The following ADGRG6 variants were observed in gnomAD, a reference collection of about 807,000 sequenced individuals.
The protein encoded by ADGRG6 is adhesion G protein-coupled receptor G6.
Under a neutral mutation model 142.4 loss-of-function variants are expected in ADGRG6, and 84 were observed. That is an observed-to-expected ratio of 0.59 (90% CI 0.49 to 0.71). The LOEUF (loss-of-function observed/expected upper bound fraction) is 0.71. ADGRG6 is among the 30% of genes least tolerant of loss of function. ADGRG6 has a pLI of 0.00. For missense variants in ADGRG6, 1,367 were observed against 1,466.6 expected, an observed-to-expected ratio of 0.93 and a Z score of 1.11; for synonymous variants, 521 against 520.5, an observed-to-expected ratio of 1.00 and a Z score of -0.01.
chr6:142,339,761 T>A (rs1489569071), intron 2 of ADGRG6, among the ~76,000 whole-genome samples: 2 of 152,200 alleles, frequency 1.3e-5, no homozygotes, highest in African/African-American at 2.4e-5. Flanking sequence ...AATGACCTTC[T>A]TAGCCTTTTA....
rs189377436 is a variant in ADGRG6 at position 142,349,835 on chromosome 6, C to T, written c.104-17734C>T. 3.3e-5 allele frequency among the ~76,000 whole-genome samples: 5 copies of T among 152,260 alleles called. No individual in the cohort carries two copies. In the South Asian group the frequency reaches 8.3e-4, roughly 25 times the overall value. On this transcript the variant is annotated intron_variant, in intron 2 of 24. Transcript: ENST00000367609. ...ATGGCAAGTCTGTCTGGCTAAAAAG[C>T]TCATTTTTTTTCATAAAGCTGCTCT...
rs140341446 is a variant in ADGRG6 at position 142,385,801 on chromosome 6, T to C, written c.1222+1958T>C. Among the ~76,000 whole-genome samples the C allele has an allele frequency of 3.2e-3, 482 of 152,302 alleles. 5 individuals are homozygous for C. Among genetic ancestry groups the C allele is most frequent in the African/African-American group, 0.011 (458 of 41,574 alleles). On this transcript the variant is annotated intron_variant, in intron 6 of 24. Transcript: ENST00000367609. ...AAATAATTGAAAAGAGAATTACTTT[T>C]TCACCTTATGAATACATGCTATTTA... is the stretch of plus-strand genomic sequence containing the variant.
At chr6:142,383,337 A>G (rs1781861291) in intron 5 of ADGRG6, among the ~76,000 whole-genome samples, 1 of 152,184 alleles carries the variant, frequency 6.6e-6, no homozygotes, top group African/African-American at 2.4e-5. Flanking sequence ...TCAGTGTATT[A>G]GGCAAACTTA....
chr6:142,387,512 A>G (rs1782090447), intron 6 of ADGRG6, among the ~76,000 whole-genome samples: 1 of 152,228 alleles, frequency 6.6e-6, no homozygotes, highest in Non-Finnish European at 1.5e-5. Context: ...GCAGGATGCC[A>G]GTCATATTGT....
chr6:142,348,833 T>C (rs1780027802), intron 2 of ADGRG6, among the ~76,000 whole-genome samples: 2 of 152,212 alleles, frequency 1.3e-5, no homozygotes, highest in Admixed American at 1.3e-4. Flanking sequence ...AACATGGTGA[T>C]CTTTAAATTA....
chr6:142,388,088 C>T (rs376435088), intron 6 of ADGRG6, among the ~76,000 whole-genome samples: 2 of 152,132 alleles, frequency 1.3e-5, no homozygotes, highest in African/African-American at 4.8e-5. Flanking sequence ...TGCATTTCCT[C>T]CAATGGCAAT....
intron 5 of ADGRG6, among the ~76,000 whole-genome samples, chr6:142,383,286 G>A (rs1300668479): frequency 6.6e-6 from 1 of 152,048 alleles, no homozygotes; most frequent in Non-Finnish European, 1.5e-5. Flanking sequence ...TTCATCTTAA[G>A]AAGAAGTACA....
At chr6:142,357,648 C>T (rs1486280331) in intron 2 of ADGRG6, among the ~76,000 whole-genome samples, 2 of 152,144 alleles carry the variant, frequency 1.3e-5, no homozygotes, top group East Asian at 3.9e-4. Context: ...CTTGAGCTAA[C>T]AAGCACACTT....
At chr6:142,318,375 T>TTA (rs1778341930) in intron 2 of ADGRG6, among the ~76,000 whole-genome samples, 4 of 104,684 alleles carry the variant, frequency 3.8e-5, no homozygotes, top group East Asian at 4.6e-4. Context: ...TTATATATAT[T>TTA]TATATATTTA....
chr6:142,342,907 A>G (rs1026372302), intron 2 of ADGRG6, among the ~76,000 whole-genome samples: 1 of 151,760 alleles, frequency 6.6e-6, no homozygotes, highest in African/African-American at 2.4e-5. Flanking sequence ...TGAAATTTTG[A>G]CCTCTGATTT....
rs1178441565 is a variant in ADGRG6, at chr6:142,405,792, A to G, written c.2232A>G (p.Ala744=). The part of the protein sequence containing the change: ...SPEDSVLVRR[A]QFTFFNKTGL... Reference sequence around the variant, plus strand: ...AAGATTCTGTATTAGTTAGAAGAGCACAGTTTACTTTCTTCAACAAAACTG... The same window carrying G: ...AAGATTCTGTATTAGTTAGAAGAGCGCAGTTTACTTTCTTCAACAAAACTG... The change falls in exon 15 of 25, where the codon GCA becomes GCG. Residue 744 remains alanine, a synonymous_variant. Transcript: ENST00000367609. 6.2e-7 allele frequency: 1 copy of G among 1,606,920 alleles called. No homozygotes were observed. Among genetic ancestry groups the G allele is most frequent in the Admixed American group, 1.7e-5 (1 of 59,040 alleles).
intron 2 of ADGRG6, among the ~76,000 whole-genome samples, chr6:142,312,109 A>G (rs956753662): frequency 1.3e-5 from 2 of 151,990 alleles, no homozygotes; most frequent in Non-Finnish European, 2.9e-5. Context: ...ATTCTTAGTG[A>G]TAATCTGCAT....
At chr6:142,392,425 T>A (rs951709094) in intron 7 of ADGRG6, among the ~76,000 whole-genome samples, 14 of 151,936 alleles carry the variant, frequency 9.2e-5, no homozygotes, top group African/African-American at 3.1e-4. Flanking sequence ...TTTATTTTTT[T>A]AATTTATATT....
chr6:142,425,150 A>G (rs1193768091), intron 22 of ADGRG6, among the ~76,000 whole-genome samples: 1 of 152,324 alleles, frequency 6.6e-6, no homozygotes, highest in African/African-American at 2.4e-5. Flanking sequence ...CAATCTTTAT[A>G]AACACAATAG....
At chr6:142,414,551 T>G (rs947124079) in intron 18 of ADGRG6, among the ~76,000 whole-genome samples, 17 of 152,104 alleles carry the variant, frequency 1.1e-4, no homozygotes, top group African/African-American at 4.1e-4. Context: ...ACCTAAAGGC[T>G]TGAGGGTTTG....
chr6:142,359,280 T>C (rs1389034846), intron 2 of ADGRG6, among the ~76,000 whole-genome samples: 3 of 151,820 alleles, frequency 2.0e-5, no homozygotes, highest in Non-Finnish European at 4.4e-5. Flanking sequence ...ACCTTTTTAG[T>C]TTCCCTACTG....
chr6:142,426,719 C>G (rs1776965932), intron 22 of ADGRG6, among the ~76,000 whole-genome samples: 1 of 152,202 alleles, frequency 6.6e-6, no homozygotes, highest in South Asian at 2.1e-4. Flanking sequence ...GGCCTCACCC[C>G]TGCAGCAAAC....
In ADGRG6 at chr6:142,309,659, C is replaced by G. The variant is rs553926844; in HGVS notation, c.103+15C>G. ...TCCTCACTCAGGTAAGACTCTTCCT[C>G]TTTCACACCTGGAATTTAATCATGA... is the stretch of plus-strand genomic sequence containing the variant. On this transcript the variant is annotated intron_variant, in intron 2 of 24. Coordinates refer to ENST00000367609, the MANE Select transcript of ADGRG6 (RefSeq NM_198569.3). 16 of 1,444,848 alleles carry G rather than the reference C, an allele frequency of 1.1e-5. 1 individual carries two copies. The South Asian group carries it at 1.9e-4, about 17-fold the overall frequency. 89.5% of individuals were successfully genotyped at this position (1,444,848 alleles called of 1,614,324 possible).
intron 2 of ADGRG6, among the ~76,000 whole-genome samples, chr6:142,349,427 A>G (rs1439926354): frequency 1.3e-5 from 2 of 152,202 alleles, no homozygotes; most frequent in Non-Finnish European, 2.9e-5. Flanking sequence ...TTAGACTGGC[A>G]CAAGGGGACT....
Sources: gnomAD v4.1 joint callset for allele counts (sites outside exome capture counted in the v4.1 genomes callset) on GRCh38, gnomAD v4.1.1 for gene constraint, MANE v1.5 for transcripts, NCBI Gene and HGNC (gene_info 2026-07-23, HGNC 2026-07-21) for gene names.